PAK1: variants seen among roughly 807,000 people sequenced by gnomAD.
The protein encoded by PAK1 is serine/threonine-protein kinase PAK 1.
A neutral mutation model predicts 67.4 loss-of-function variants in PAK1; 29 were observed. The ratio of observed to expected loss-of-function variants is 0.43; its 90% CI spans 0.32 to 0.59. The LOEUF (loss-of-function observed/expected upper bound fraction) is 0.59, where lower values mean the gene tolerates loss of function less well. PAK1 is among the 20% of genes least tolerant of loss of function. The pLI is 0.07. For missense variants in PAK1, 337 were observed against 670.7 expected (o/e 0.50, Z 5.50); for synonymous variants, 223 against 237.4 (o/e 0.94, Z 0.56).
In PAK1 at chr11:77,376,736, C is replaced by CAAA. The variant is rs35882567; in HGVS notation, c.440-2374_440-2372dup. On this transcript the variant is annotated intron_variant, in intron 4 of 14. Transcript: ENST00000356341. ...TGGGTGACAGAGTGAGACTCCATCT[C>CAAA]AAAAAAAAAAAAAAAAAAATTAAGT... Among the ~76,000 whole-genome samples the CAAA allele has an allele frequency of 8.0e-3, 599 of 75,220 alleles. 4 individuals are homozygous for CAAA. Among genetic ancestry groups the CAAA allele is most frequent in the African/African-American group, 0.036 (583 of 16,058 alleles). 49.3% of individuals were successfully genotyped at this position (75,220 alleles called of 152,430 possible).
chr11:77,528,039 C>T, the PAK1 span, among the ~76,000 whole-genome samples: 30 of 152,000 alleles, frequency 2.0e-4, no homozygotes, highest in Admixed American at 7.9e-4. Context: ...TTTGTAGAGA[C>T]GGAATCTCAC....
the PAK1 span, among the ~76,000 whole-genome samples, chr11:77,497,290 G>A: frequency 6.6e-6 from 1 of 152,180 alleles, no homozygotes; most frequent in Non-Finnish European, 1.5e-5. Flanking sequence ...TCAAAAGGTT[G>A]ACCAATGACA....
intron 1 of PAK1, among the ~76,000 whole-genome samples, chr11:77,454,214 G>A (rs977850499): frequency 2.0e-5 from 3 of 152,120 alleles, no homozygotes; most frequent in African/African-American, 7.2e-5. Context: ...ACACCCCAGT[G>A]GTTATATTCC....
chr11:77,352,264 A>G (rs745983661), intron 8 of PAK1, among the ~76,000 whole-genome samples: 1 of 152,152 alleles, frequency 6.6e-6, no homozygotes, highest in Non-Finnish European at 1.5e-5. Context: ...ATTATCATAT[A>G]TTACTTTTGC....
intron 1 of PAK1, among the ~76,000 whole-genome samples, chr11:77,457,636 A>G (rs1314763117): frequency 1.3e-5 from 2 of 152,180 alleles, no homozygotes; most frequent in Non-Finnish European, 2.9e-5. Flanking sequence ...CAGGCATGGC[A>G]TTTGGTCCCT....
chr11:77,324,711 ACTTACAATTCC>A (rs1447707793), intron 14 of PAK1, among the ~76,000 whole-genome samples: 2 of 151,934 alleles, frequency 1.3e-5, no homozygotes, highest in African/African-American at 4.8e-5. Flanking sequence ...CTTCTGCCAT[ACTTACAATTCC>A]CTTGATTAGT....
At chr11:77,359,246 C>CA (rs977245931) in intron 5 of PAK1, among the ~76,000 whole-genome samples, 1 of 152,124 alleles carries the variant, frequency 6.6e-6, no homozygotes, top group African/African-American at 2.4e-5. Context: ...TTCTCCCACT[C>CA]AAAGCCTAGC....
chr11:77,453,894 A>G (rs752889059), intron 1 of PAK1, among the ~76,000 whole-genome samples: 2 of 152,100 alleles, frequency 1.3e-5, no homozygotes, highest in Non-Finnish European at 2.9e-5. Context: ...CAGTCTGGCA[A>G]TATGGCGAAA....
At chr11:77,418,043 G>A (rs1484704086) in intron 1 of PAK1, among the ~76,000 whole-genome samples, 1 of 151,576 alleles carries the variant, frequency 6.6e-6, no homozygotes, top group Non-Finnish European at 1.5e-5. Context: ...GCCGGATTCT[G>A]CATTTTCTAC....
chr11:77,500,837 C>A, the PAK1 span, among the ~76,000 whole-genome samples: 3 of 151,970 alleles, frequency 2.0e-5, no homozygotes, highest in African/African-American at 7.3e-5. Context: ...GAGTGAGACA[C>A]TGTTTCAAAA....
chr11:77,435,657 C>CTTTTTTT (rs35603502), intron 1 of PAK1, among the ~76,000 whole-genome samples: 16 of 68,598 alleles, frequency 2.3e-4, no homozygotes, highest in African/African-American at 5.5e-4. Flanking sequence ...CTACACCTGG[C>CTTTTTTT]TTTTTTTTTT....
At chr11:77,495,827 C>A in the PAK1 span, among the ~76,000 whole-genome samples, 1 of 152,218 alleles carries the variant, frequency 6.6e-6, no homozygotes, top group East Asian at 1.9e-4. Context: ...TATGAGATAC[C>A]TAGAGCAGTC....
intron 2 of PAK1, among the ~76,000 whole-genome samples, chr11:77,381,168 T>C (rs910366589): frequency 1.4e-5 from 2 of 141,190 alleles, no homozygotes; most frequent in Admixed American, 6.9e-5. Flanking sequence ...TGTGTGTGTG[T>C]GTGTGTGTAG....
rs1467859574 is a variant in PAK1, at chr11:77,345,333, T to TA, written c.886-1403dup. ...GGTTGGAAAGTACTTTGTTTTTAAA[T>TA]AAAAACAAAAAAAAAATGGCAATGG... is the stretch of plus-strand genomic sequence containing the variant. On this transcript the variant is annotated intron_variant, in intron 9 of 14. Coordinates refer to ENST00000356341, the MANE Select transcript of PAK1 (RefSeq NM_002576.5). 2.1e-3 allele frequency among the ~76,000 whole-genome samples: 181 copies of TA among 84,494 alleles called. 1 individual carries two copies. Among genetic ancestry groups the TA allele is most frequent in the East Asian group, 0.011 (42 of 3,778 alleles). 55.4% of individuals were successfully genotyped at this position (84,494 alleles called of 152,430 possible).
intron 5 of PAK1, among the ~76,000 whole-genome samples, chr11:77,367,352 G>A (rs1335552958): frequency 2.6e-5 from 4 of 152,038 alleles, no homozygotes; most frequent in African/African-American, 7.2e-5. Context: ...CTCTGAATAC[G>A]CAAGGAAAAC....
chr11:77,482,521 C>A, the PAK1 span, among the ~76,000 whole-genome samples: 2 of 152,090 alleles, frequency 1.3e-5, no homozygotes, highest in Admixed American at 6.6e-5. Context: ...ACTCACTGAT[C>A]ATTCCTCTTG....
Position 77,474,088 on chromosome 11 carries a change from A to G in PAK1, c.-558T>C, listed in dbSNP as rs574450550. 1 of 152,152 alleles carries G rather than the reference A, an allele frequency of 6.6e-6. No homozygotes were observed. The highest frequency in any genetic ancestry group is 2.4e-5 in the African/African-American group (1 of 41,366). 9.4% of individuals were successfully genotyped at this position (152,152 alleles called of 1,614,324 possible). A position where few individuals can be genotyped will look rare whatever the true frequency, so the allele number is the denominator to read the frequency against. On this transcript the variant is annotated 5_prime_UTR_variant, in exon 1 of 15. Coordinates refer to ENST00000356341, the MANE Select transcript of PAK1 (RefSeq NM_002576.5). ...AGCCTCCCCCGCCCACAGCCGCGCT[A>G]TTGTACGCCGCCCGGCAGGCCTGAC...
the PAK1 span, among the ~76,000 whole-genome samples, chr11:77,510,702 T>C: frequency 6.6e-6 from 1 of 152,246 alleles, no homozygotes; most frequent in South Asian, 2.1e-4. Context: ...ATGATATTAT[T>C]CGTAATGTTC....
chr11:77,491,173 T>C, the PAK1 span, among the ~76,000 whole-genome samples: 6 of 139,260 alleles, frequency 4.3e-5, no homozygotes, highest in Admixed American at 3.5e-4. Flanking sequence ...TAAAAAGATA[T>C]CCTATGTTTA....
Sources: allele counts gnomAD v4.1 joint callset (sites outside exome capture counted in the v4.1 genomes callset), GRCh38; gene constraint gnomAD v4.1.1; transcripts MANE v1.5; gene names NCBI Gene and HGNC (gene_info 2026-07-23, HGNC 2026-07-21).